FHIT: variants seen among roughly 807,000 people sequenced by gnomAD.
FHIT encodes the protein bis(5'-adenosyl)-triphosphatase.
FHIT carries 19 observed loss-of-function variants against 17.9 expected under a neutral mutation model. The observed-to-expected ratio is 1.06, with a 90% CI of 0.74 to 1.56. The LOEUF (loss-of-function observed/expected upper bound fraction) is 1.56, where lower values mean the gene tolerates loss of function less well. Ranked by LOEUF, FHIT falls within the 40% of genes most tolerant of loss-of-function variation. The pLI is 0.00. For missense variants in FHIT, 248 were observed against 189.2 expected (o/e 1.31, Z -1.82); for synonymous variants, 81 against 69.7 (o/e 1.16, Z -0.81).
chr3:60,466,454 A>G (rs1182036241), intron 5 of FHIT, among the ~76,000 whole-genome samples: 2 of 152,046 alleles, frequency 1.3e-5, no homozygotes, highest in East Asian at 3.9e-4. Context: ...GTCTCATTTC[A>G]GATTGTAGGG....
chr3:60,266,520 A>C (rs1706584689), intron 5 of FHIT, among the ~76,000 whole-genome samples: 1 of 152,108 alleles, frequency 6.6e-6, no homozygotes, highest in South Asian at 2.1e-4. Context: ...AAACCACAGA[A>C]TATACACTTT....
intron 8 of FHIT, among the ~76,000 whole-genome samples, chr3:59,915,062 A>G (rs940270931): frequency 2.6e-5 from 4 of 152,202 alleles, no homozygotes; most frequent in African/African-American, 9.6e-5. Flanking sequence ...GTTTCATTGC[A>G]GCAGCCACTG....
intron 4 of FHIT, among the ~76,000 whole-genome samples, chr3:60,541,644 T>C (rs989051856): frequency 2.0e-5 from 3 of 152,186 alleles, no homozygotes; most frequent in African/African-American, 7.2e-5. Flanking sequence ...TTAGTAACAA[T>C]GCCACTTTCT....
chr3:59,885,540 T>C (rs1703587568), intron 8 of FHIT, among the ~76,000 whole-genome samples: 1 of 151,788 alleles, frequency 6.6e-6, no homozygotes. Flanking sequence ...AACTGCAGCC[T>C]ATTGGATTTC....
chr3:60,516,778 G>A (rs1450935975), intron 5 of FHIT, among the ~76,000 whole-genome samples: 2 of 152,178 alleles, frequency 1.3e-5, no homozygotes, highest in Non-Finnish European at 2.9e-5. Context: ...CCAGAGTAAC[G>A]TCTCTGTACT....
intron 3 of FHIT, among the ~76,000 whole-genome samples, chr3:60,854,813 C>T (rs1410560010): frequency 6.6e-6 from 1 of 152,116 alleles, no homozygotes; most frequent in Admixed American, 6.6e-5. Flanking sequence ...GTGTGGGAAG[C>T]TGGATATGAG....
At chr3:59,769,731 A>ATT (rs11352722) in intron 8 of FHIT, among the ~76,000 whole-genome samples, 3 of 129,812 alleles carry the variant, frequency 2.3e-5, no homozygotes, top group South Asian at 2.5e-4. Flanking sequence ...ACTAGTTTTG[A>ATT]TTTTTTTTTT....
intron 5 of FHIT, among the ~76,000 whole-genome samples, chr3:60,231,849 C>G (rs1264550167): frequency 3.9e-5 from 6 of 152,164 alleles, no homozygotes; most frequent in African/African-American, 1.4e-4. Context: ...ATTCAAGTCT[C>G]TAATCATTTG....
intron 8 of FHIT, among the ~76,000 whole-genome samples, chr3:59,804,907 T>G (rs184548538): frequency 1.3e-5 from 2 of 152,282 alleles, no homozygotes; most frequent in Admixed American, 1.3e-4. Flanking sequence ...GAAACCACCC[T>G]TTCTCCCAGG....
intron 5 of FHIT, among the ~76,000 whole-genome samples, chr3:60,072,442 CATCGTCAACAACAACA>C (rs1006005876): frequency 2.3e-5 from 3 of 127,880 alleles, no homozygotes; most frequent in African/African-American, 1.0e-4. Context: ...AACAACAAAA[CATCGTCAACAACAACA>C]AAACATCACC....
chr3:59,980,723 T>A (rs1370329392), intron 7 of FHIT, among the ~76,000 whole-genome samples: 2 of 152,270 alleles, frequency 1.3e-5, no homozygotes, highest in South Asian at 4.1e-4. Context: ...AGGGAGAAGA[T>A]AGCATCTATG....
At chr3:60,943,359 T>A (rs1708501148) in intron 3 of FHIT, among the ~76,000 whole-genome samples, 1 of 152,252 alleles carries the variant, frequency 6.6e-6, no homozygotes, top group East Asian at 1.9e-4. Flanking sequence ...AAATAATAAC[T>A]CTTTATCTGT....
intron 5 of FHIT, among the ~76,000 whole-genome samples, chr3:60,300,842 C>T (rs1007432860): frequency 6.6e-6 from 1 of 152,084 alleles, no homozygotes; most frequent in African/African-American, 2.4e-5. Context: ...ATATCACAGT[C>T]CTGATGTTCT....
chr3:59,852,624 G>A (rs1701986192), intron 8 of FHIT, among the ~76,000 whole-genome samples: 1 of 152,128 alleles, frequency 6.6e-6, no homozygotes, highest in South Asian at 2.1e-4. Context: ...CACCATTACA[G>A]TATCATATAG....
At chr3:61,097,501 C>T (rs1224301919) in intron 2 of FHIT, among the ~76,000 whole-genome samples, 1 of 152,100 alleles carries the variant, frequency 6.6e-6, no homozygotes. Context: ...GGTAGTTCTG[C>T]TTTTAGGTCT....
intron 7 of FHIT, among the ~76,000 whole-genome samples, chr3:59,945,635 A>G (rs1706763743): frequency 6.6e-6 from 1 of 151,632 alleles, no homozygotes; most frequent in African/African-American, 2.4e-5. Context: ...GTTATCTTCC[A>G]GAGTTTTTAC....
intron 8 of FHIT, among the ~76,000 whole-genome samples, chr3:59,885,434 C>T (rs1703580610): frequency 6.7e-6 from 1 of 149,444 alleles, no homozygotes; most frequent in African/African-American, 2.5e-5. Context: ...GTACATGCTA[C>T]CTGATGCTTT....
intron 4 of FHIT, among the ~76,000 whole-genome samples, chr3:60,545,221 C>T (rs1465440696): frequency 8.6e-5 from 13 of 151,436 alleles, no homozygotes; most frequent in Admixed American, 7.9e-4. Context: ...TTACCTATTT[C>T]GTATTGTGTT....
At chr3:60,364,515 A>C (rs1700031302) in intron 5 of FHIT, among the ~76,000 whole-genome samples, 1 of 152,218 alleles carries the variant, frequency 6.6e-6, no homozygotes, top group Non-Finnish European at 1.5e-5. Flanking sequence ...TGATCACTGA[A>C]GGCTTGAATG....
Sources: allele counts gnomAD v4.1 joint callset (sites outside exome capture counted in the v4.1 genomes callset), GRCh38; gene constraint gnomAD v4.1.1; transcripts MANE v1.5; gene names NCBI Gene and HGNC (gene_info 2026-07-23, HGNC 2026-07-21).